The following RAB33A variants were observed in gnomAD, a reference collection of about 807,000 sequenced individuals.
The protein encoded by RAB33A is ras-related protein Rab-33A.
A neutral mutation model predicts 12.0 loss-of-function variants in RAB33A; 6 were observed. The ratio of observed to expected loss-of-function variants is 0.50; its 90% confidence interval spans 0.27 to 0.99. The LOEUF (loss-of-function observed/expected upper bound fraction) is 0.99, where lower values mean the gene tolerates loss of function less well. Among genes scored for constraint, RAB33A ranks in the 50% least tolerant of loss-of-function variants. RAB33A has a pLI of 0.11. For synonymous variants in RAB33A, 70 were observed against 82.4 expected (o/e 0.85, Z 0.81); for missense variants, 109 against 192.0 (o/e 0.57, Z 2.55).
At chrX:130,129,764 A>G in the RAB33A span, 2 of 758,493 alleles carry the variant, frequency 2.6e-6, no homozygotes, top group Non-Finnish European at 4.0e-6. Flanking sequence ...TACTAACCCC[A>G]AACAAGCAGC....
At chrX:130,162,797 T>C in the RAB33A span, among the ~76,000 whole-genome samples, 5 of 111,741 alleles carry the variant, frequency 4.5e-5, no homozygotes, top group African/African-American at 6.5e-5. Flanking sequence ...GGCAGCACTG[T>C]TTGGTGACCA....
chrX:130,156,697 T>C, the RAB33A span: 9 of 961,603 alleles, frequency 9.4e-6, no homozygotes, highest in African/African-American at 3.8e-5. Flanking sequence ...ACAAGACTTA[T>C]TGCCCACAGA....
the RAB33A span, among the ~76,000 whole-genome samples, chrX:130,153,208 G>A: frequency 9.5e-6 from 1 of 105,723 alleles, no homozygotes; most frequent in South Asian, 4.5e-4. Flanking sequence ...AAATTAGCCG[G>A]GCATGGTGGC....
the RAB33A span, chrX:130,138,507 T>C: frequency 2.9e-6 from 2 of 682,215 alleles, no homozygotes; most frequent in Non-Finnish European, 4.8e-6. Context: ...CTCTTCCTAC[T>C]GATCCTGCCA....
the RAB33A span, among the ~76,000 whole-genome samples, chrX:130,126,706 A>C: frequency 8.9e-6 from 1 of 111,899 alleles, no homozygotes; most frequent in Non-Finnish European, 1.9e-5. Context: ...ATCTAGCATC[A>C]TCCAGCCAAT....
chrX:130,182,175 T>C lies in RAB33A; in HGVS notation c.259-2110T>C, dbSNP rs77178983. Reference sequence around the variant, plus strand: ...AAAAAAAAATATATATATATATATATATATATACACATATATATAACATAT... The same window carrying C: ...AAAAAAAAATATATATATATATATACATATATACACATATATATAACATAT... On this transcript the variant is annotated intron_variant, in intron 1 of 1. Coordinates refer to ENST00000257017, the MANE Select transcript of RAB33A (RefSeq NM_004794.3). Among the ~76,000 whole-genome samples, 326 of 40,508 alleles carry C rather than the reference T, an allele frequency of 8.0e-3. 11 individuals are homozygous for C. The highest frequency in any genetic ancestry group is 0.064 in the African/African-American group (313 of 4,918). The allele number at this position is 40,508 out of a possible 115,157, so 35.2% of individuals were successfully genotyped here.
chrX:130,158,739 A>T, the RAB33A span, among the ~76,000 whole-genome samples: 22 of 109,825 alleles, frequency 2.0e-4, no homozygotes, highest in East Asian at 5.9e-3. Flanking sequence ...AAAATCGCAA[A>T]AAAATCTCAT....
the RAB33A span, among the ~76,000 whole-genome samples, chrX:130,153,178 C>CAAAAA: frequency 2.3e-5 from 1 of 43,914 alleles, no homozygotes. Flanking sequence ...ACTAAAAATA[C>CAAAAA]AAAAAAAAAA....
At chrX:130,147,072 G>A in the RAB33A span, among the ~76,000 whole-genome samples, 5 of 111,692 alleles carry the variant, frequency 4.5e-5, no homozygotes, top group South Asian at 7.5e-4. Context: ...TGAGGCAGGG[G>A]AATTGCTTGA....
chrX:130,165,420 T>C, the RAB33A span: 2 of 582,186 alleles, frequency 3.4e-6, no homozygotes, highest in Non-Finnish European at 2.9e-6. Flanking sequence ...GTTCGGAGTC[T>C]GCCAATTTGG....
At chrX:130,153,865 T>C in the RAB33A span, among the ~76,000 whole-genome samples, 1 of 112,183 alleles carries the variant, frequency 8.9e-6, no homozygotes, top group African/African-American at 3.2e-5. Flanking sequence ...TAAACCTCTG[T>C]TGTTTAAGCC....
the RAB33A span, chrX:130,156,377 C>T: frequency 1.7e-6 from 2 of 1,169,027 alleles, no homozygotes; most frequent in East Asian, 3.0e-5. Flanking sequence ...GAATTAGTTG[C>T]AAAAGTTTTA....
the RAB33A span, among the ~76,000 whole-genome samples, chrX:130,132,742 CTTTTTTTTTT>C: frequency 2.9e-5 from 2 of 69,886 alleles, no homozygotes; most frequent in African/African-American, 1.3e-4. Flanking sequence ...TCTGACACTC[CTTTTTTTTTT>C]TTTTTTTTTT....
chrX:130,150,726 G>A, the RAB33A span, among the ~76,000 whole-genome samples: 3 of 105,881 alleles, frequency 2.8e-5, no homozygotes, highest in African/African-American at 1.0e-4. Flanking sequence ...TGTAATCCCA[G>A]CACTTTGGGA....
the RAB33A span, among the ~76,000 whole-genome samples, chrX:130,132,981 G>C: frequency 1.4e-4 from 16 of 111,153 alleles, no homozygotes; most frequent in African/African-American, 5.2e-4. Flanking sequence ...TCCTGGCCTC[G>C]TGATCCGCCC....
the RAB33A span, chrX:130,137,242 C>T: frequency 1.7e-6 from 2 of 1,208,220 alleles, no homozygotes; most frequent in Non-Finnish European, 2.2e-6. Context: ...CCTAGGAATA[C>T]AGGAAGAGAA....
At chrX:130,138,583 C>T in the RAB33A span, 16 of 1,166,558 alleles carry the variant, frequency 1.4e-5, no homozygotes, top group Non-Finnish European at 1.9e-5. Flanking sequence ...GGTCACTCCT[C>T]AATACTCACC....
chrX:130,150,102 C>T, the RAB33A span, among the ~76,000 whole-genome samples: 1 of 111,070 alleles, frequency 9.0e-6, no homozygotes, highest in Admixed American at 9.6e-5. Flanking sequence ...ATCATTCCCT[C>T]AATGGTCTAT....
At chrX:130,165,401 A>G in the RAB33A span, 1 of 530,470 alleles carries the variant, frequency 1.9e-6, no homozygotes, top group East Asian at 3.6e-5. Context: ...TCCGCTTGCA[A>G]GACTCAGGGT....
Sources: allele counts gnomAD v4.1 joint callset (sites outside exome capture counted in the v4.1 genomes callset), GRCh38; gene constraint gnomAD v4.1.1; transcripts MANE v1.5; gene names NCBI Gene and HGNC (gene_info 2026-07-23, HGNC 2026-07-21).